The following TTC39B variants were observed in gnomAD, a reference collection of about 807,000 sequenced individuals.
The protein encoded by TTC39B is tetratricopeptide repeat domain 39B.
Under a neutral mutation model 96.6 loss-of-function variants are expected in TTC39B, and 92 were observed. The observed-to-expected ratio is 0.95, with a 90% CI of 0.80 to 1.13. The LOEUF (loss-of-function observed/expected upper bound fraction) is 1.13, where lower values mean the gene tolerates loss of function less well. Among genes scored for constraint, TTC39B ranks in the 50% most tolerant of loss-of-function variants. The probability of loss-of-function intolerance (pLI) is 0.00; values close to 1 mark genes in which losing one functional copy is unlikely to be tolerated. For synonymous variants in TTC39B, 367 were observed against 299.4 expected (o/e 1.23, Z -2.33); for missense variants, 955 against 809.3 (o/e 1.18, Z -2.18).
In TTC39B at chr9:15,252,251, T is replaced by A. The variant is rs574015593; in HGVS notation, c.275+15663A>T. Among the ~76,000 whole-genome samples, 97 of 152,342 alleles carry A rather than the reference T, an allele frequency of 6.4e-4. No individual in the cohort carries two copies. In the South Asian group the frequency reaches 0.013, roughly 20 times the overall value. On this transcript the variant is annotated intron_variant, in intron 2 of 19. Coordinates refer to ENST00000512701, the Ensembl canonical transcript of TTC39B. ...CTTTCAAAATTAATTAAGTCCAGCTTCCAACTACATTTTTGTGGATAATAT... is the reference window on the plus strand; with the variant it reads ...CTTTCAAAATTAATTAAGTCCAGCTACCAACTACATTTTTGTGGATAATAT...
At chr9:15,223,984 C>T (rs1820987146) in intron 3 of TTC39B, among the ~76,000 whole-genome samples, 1 of 152,302 alleles carries the variant, frequency 6.6e-6, no homozygotes, top group East Asian at 1.9e-4. Flanking sequence ...CTCTTCCTCT[C>T]TTTGACTCCT....
chr9:15,229,257 A>T (rs769040252), intron 2 of TTC39B, among the ~76,000 whole-genome samples: 1 of 152,200 alleles, frequency 6.6e-6, no homozygotes, highest in Non-Finnish European at 1.5e-5. Context: ...GCAAGAAATA[A>T]CTCATCTACT....
chr9:15,261,221 G>A (rs1045831996), intron 2 of TTC39B, among the ~76,000 whole-genome samples: 1 of 152,180 alleles, frequency 6.6e-6, no homozygotes, highest in Non-Finnish European at 1.5e-5. Flanking sequence ...GCTCATGTCT[G>A]TAATCCCAAC....
intron 11 of TTC39B, among the ~76,000 whole-genome samples, chr9:15,190,200 A>T (rs894569455): frequency 7.9e-5 from 12 of 152,214 alleles, no homozygotes; most frequent in Non-Finnish European, 1.6e-4. Context: ...TCCTTCTGCT[A>T]AATGTCACTA....
chr9:15,167,022 ATATATATTTTTTTTTT>A (rs1817540774), exon 20 of TTC39B: 2 of 9,294 alleles, frequency 2.2e-4, no homozygotes, highest in Non-Finnish European at 3.3e-4. Context: ...ATATATATAT[ATATATATTTTTTTTTT>A]TTTTTTTTTT....
intron 2 of TTC39B, among the ~76,000 whole-genome samples, chr9:15,235,955 C>A (rs1821760491): frequency 6.6e-6 from 1 of 152,164 alleles, no homozygotes. Context: ...AATAAAACCT[C>A]ACATATCAAT....
At chr9:15,296,371 G>T (rs1427397391) in intron 1 of TTC39B, among the ~76,000 whole-genome samples, 1 of 152,216 alleles carries the variant, frequency 6.6e-6, no homozygotes, top group African/African-American at 2.4e-5. Flanking sequence ...ATGGGGTTGG[G>T]AAAGGGAAAG....
intron 8 of TTC39B, among the ~76,000 whole-genome samples, chr9:15,199,543 G>A (rs1472553094): frequency 6.6e-6 from 1 of 151,550 alleles, no homozygotes; most frequent in Non-Finnish European, 1.5e-5. Flanking sequence ...AGACCATCCT[G>A]ACTAACACAG....
At chr9:15,256,386 A>T (rs991073797) in intron 2 of TTC39B, among the ~76,000 whole-genome samples, 14 of 152,204 alleles carry the variant, frequency 9.2e-5, no homozygotes, top group African/African-American at 2.7e-4. Context: ...GGATTTTGTT[A>T]CGGCAGCCCA....
intron 1 of TTC39B, among the ~76,000 whole-genome samples, chr9:15,289,439 C>T (rs181713125): frequency 9.7e-4 from 147 of 152,322 alleles, no homozygotes; most frequent in Middle Eastern, 3.4e-3. Context: ...ACTGAGGCAC[C>T]AGAGCTGCAC....
chr9:15,266,895 T>C (rs1026636884), intron 2 of TTC39B, among the ~76,000 whole-genome samples: 2 of 152,034 alleles, frequency 1.3e-5, no homozygotes, highest in Non-Finnish European at 2.9e-5. Flanking sequence ...CTGGCTAACA[T>C]GGTGAAACCC....
intron 1 of TTC39B, among the ~76,000 whole-genome samples, chr9:15,268,489 G>A (rs1048565585): frequency 7.9e-5 from 12 of 152,060 alleles, no homozygotes; most frequent in African/African-American, 2.9e-4. Flanking sequence ...AACGCACACA[G>A]TCATATGCAC....
At chr9:15,302,467 A>T (rs1052068924) in intron 1 of TTC39B, among the ~76,000 whole-genome samples, 18 of 139,382 alleles carry the variant, frequency 1.3e-4, no homozygotes, top group African/African-American at 4.7e-4. Context: ...ATACAAAAAA[A>T]TTAGCCGGGT....
chr9:15,224,378 C>T (rs1410785997), intron 3 of TTC39B: 1 of 152,464 alleles, frequency 6.6e-6, no homozygotes, highest in Admixed American at 6.5e-5. Context: ...TGGCCACCAA[C>T]TTGTAGTCTT....
chr9:15,251,668 T>TACAC (rs397839174), intron 2 of TTC39B, among the ~76,000 whole-genome samples: 51 of 116,562 alleles, frequency 4.4e-4, no homozygotes, highest in East Asian at 1.3e-3. Flanking sequence ...TATACGCGCA[T>TACAC]ACACACACAC....
At chr9:15,224,762 T>A (rs1350696509) in intron 3 of TTC39B, among the ~76,000 whole-genome samples, 1 of 152,108 alleles carries the variant, frequency 6.6e-6, no homozygotes, top group African/African-American at 2.4e-5. Context: ...AAACACAAAA[T>A]TCCATGAGCA....
intron 14 of TTC39B, 69 bp downstream of exon 14, chr9:15,187,902 T>A: frequency 6.8e-7 from 1 of 1,463,004 alleles, no homozygotes; most frequent in South Asian, 1.4e-5. Flanking sequence ...GAGCAAACAG[T>A]CCTAAATGAA....
exon 18 of TTC39B, chr9:15,177,766 T>C (rs1818022117): frequency 1.9e-6 from 3 of 1,613,402 alleles, no homozygotes; most frequent in African/African-American, 2.7e-5. Flanking sequence ...GCAACATCCT[T>C]TAAGTAACTT....
exon 20 of TTC39B, chr9:15,168,917 A>G (rs1380701710): frequency 7.1e-6 from 1 of 140,500 alleles, no homozygotes; most frequent in Non-Finnish European, 1.5e-5. Context: ...TTTGAAAGAG[A>G]AAACATTCAC....
Sources: gnomAD v4.1 joint callset for allele counts (sites outside exome capture counted in the v4.1 genomes callset) on GRCh38, gnomAD v4.1.1 for gene constraint, MANE v1.5 for transcripts, NCBI Gene and HGNC (gene_info 2026-07-23, HGNC 2026-07-21) for gene names.